The following GBP2 variants were observed in gnomAD, a reference collection of about 807,000 sequenced individuals.
GBP2 encodes guanylate binding protein 2, also known as guanylate-binding protein 2.
GBP2 carries 54 observed loss-of-function variants against 60.8 expected under a neutral mutation model. That is an observed-to-expected ratio of 0.89 (90% confidence interval 0.71 to 1.11). The LOEUF (loss-of-function observed/expected upper bound fraction) is 1.11, where lower values mean the gene tolerates loss of function less well. Among genes scored for constraint, GBP2 ranks in the 50% most tolerant of loss-of-function variants. The pLI, the probability that GBP2 is intolerant of heterozygous loss-of-function variation, is 0.00. For synonymous variants in GBP2, 243 were observed against 256.5 expected, an observed-to-expected ratio of 0.95 and a Z score of 0.50; for missense variants, 665 against 703.3, an observed-to-expected ratio of 0.95 and a Z score of 0.62.
At chr1:89,109,225 G>A (rs928348310) in intron 10 of GBP2, among the ~76,000 whole-genome samples, 2 of 152,098 alleles carry the variant, frequency 1.3e-5, no homozygotes, top group East Asian at 1.9e-4. Context: ...TCATAACAGT[G>A]CTTCCAGACA....
intron 10 of GBP2, among the ~76,000 whole-genome samples, chr1:89,109,111 T>C (rs911154044): frequency 6.6e-6 from 1 of 152,092 alleles, no homozygotes; most frequent in Non-Finnish European, 1.5e-5. Context: ...GTCAGGCTGG[T>C]CTTGAACTCC....
chr1:89,108,419 C>T lies in GBP2; in HGVS notation c.1660-128G>A, dbSNP rs1681096865. On this transcript the variant is annotated intron_variant, in intron 10 of 10. Coordinates refer to ENST00000370466, the MANE Select transcript of GBP2 (RefSeq NM_004120.5). ...TCACTCTCTTCTGAGTCTCCTATAC[C>T]TGCCAATAATTTTTCTATGATTTTT... is the stretch of plus-strand genomic sequence containing the variant. 7.8e-6 allele frequency: 4 copies of T among 516,072 alleles called. No individual in the cohort carries two copies. The Admixed American group carries it at 1.5e-4, about 20-fold the overall frequency. 32.0% of individuals were successfully genotyped at this position (516,072 alleles called of 1,614,324 possible). A position where few individuals can be genotyped will look rare whatever the true frequency, so the allele number is the denominator to read the frequency against.
intron 1 of GBP2, among the ~76,000 whole-genome samples, chr1:89,122,208 G>T (rs111658709): frequency 0.019 from 2,898 of 152,170 alleles, 89 homozygotes; most frequent in African/African-American, 0.066. Context: ...TGTACAATGG[G>T]TATGGAAAGT....
Position 89,120,179 on chromosome 1 carries a change from T to C in GBP2, c.428A>G (p.His143Arg). ...TINQQAMDQL[H>R]YVTELTDRIK... ...TGTTCTGGACCACAAAAAAGGATAC[T>C]GAAGTTGGTCCATGGCCTGCTGGTT... The change falls in exon 4 of 11, where the codon CAC becomes CGC. Residue 143 changes from histidine to arginine, a missense_variant and splice_region_variant. Transcript: ENST00000370466. 1 of 1,611,468 alleles carries C rather than the reference T, an allele frequency of 6.2e-7. No individual in the cohort carries two copies. The highest frequency in any genetic ancestry group is 8.5e-7 in the Non-Finnish European group (1 of 1,177,612).
At chr1:89,108,692 A>G (rs1681101323) in intron 10 of GBP2, among the ~76,000 whole-genome samples, 2 of 152,196 alleles carry the variant, frequency 1.3e-5, no homozygotes. Flanking sequence ...ACTCAAGACT[A>G]GGGCAAGTGT....
Position 89,117,127 on chromosome 1 carries a change from G to C in GBP2, c.733C>G (p.Leu245Val), listed in dbSNP as rs151053556. 593 of 1,614,152 alleles carry C rather than the reference G, an allele frequency of 3.7e-4. 3 individuals are homozygous for C. In the African/African-American group the frequency reaches 6.9e-3, roughly 19 times the overall value. Reference protein sequence around the residue: ...VFDWPAPKKYLAHLEQLKEEE... With the variant: ...VFDWPAPKKYVAHLEQLKEEE... The stretch of plus-strand genomic sequence containing the variant: ...TCCTTTAGCTGCTCTAGGTGAGCAA[G>C]GTACTTCTTAGGAGCGGGCCAATCG... The change falls in exon 6 of 11, where the codon CTT becomes GTT. Residue 245 changes from leucine to valine, a missense_variant. By Grantham distance (32) the Leu-to-Val change is conservative. Coordinates refer to ENST00000370466, the MANE Select transcript of GBP2 (RefSeq NM_004120.5).
At position 89,117,139 on chromosome 1, in the gene GBP2, G is replaced by C; in HGVS notation, c.721C>G (p.Pro241Ala). 1.2e-6 allele frequency: 2 copies of C among 1,614,172 alleles called. No individual in the cohort carries two copies. The highest frequency in any genetic ancestry group is 1.7e-6 in the Non-Finnish European group (2 of 1,180,016). The change falls in exon 6 of 11, where the codon CCT becomes GCT. Residue 241 changes from proline (P) to alanine (A), a missense_variant. Transcript: ENST00000370466. ...TCTAGGTGAGCAAGGTACTTCTTAGGAGCGGGCCAATCGAAGACGAAGCAC... is the reference window on the plus strand; with the variant it reads ...TCTAGGTGAGCAAGGTACTTCTTAGCAGCGGGCCAATCGAAGACGAAGCAC... ...RKCFVFDWPAPKKYLAHLEQL... is the reference protein window; with the variant it reads ...RKCFVFDWPAAKKYLAHLEQL...
chr1:89,113,819 C>T (rs1681212922), intron 7 of GBP2, among the ~76,000 whole-genome samples, 197 bp downstream of exon 7: 1 of 152,068 alleles, frequency 6.6e-6, no homozygotes, highest in Admixed American at 6.6e-5. Flanking sequence ...AGAGGAAAAA[C>T]TAACAAAAGC....
intron 7 of GBP2, 31 bp from the exon 8 acceptor site, chr1:89,112,715 C>T (rs755426006): frequency 2.5e-5 from 38 of 1,540,534 alleles, no homozygotes; most frequent in Non-Finnish European, 3.3e-5. Context: ...ACAGATGTTT[C>T]AGTAAAGCCA....
chr1:89,106,360 GAACT>G lies in GBP2; in HGVS notation c.*1811_*1814del, dbSNP rs1681052999. The G allele has an allele frequency of 6.6e-6, 1 of 152,176 alleles. No homozygotes were observed. Among genetic ancestry groups the G allele is most frequent in the Non-Finnish European group, 1.5e-5 (1 of 68,026 alleles). The allele number at this position is 152,176 out of a possible 1,614,324, so 9.4% of individuals were successfully genotyped here. A position where few individuals can be genotyped will look rare whatever the true frequency, so the allele number is the denominator to read the frequency against. On this transcript the variant is annotated 3_prime_UTR_variant, in exon 11 of 11. Coordinates refer to ENST00000370466, the MANE Select transcript of GBP2 (RefSeq NM_004120.5). Reference sequence around the variant, plus strand: ...AACAAGATAGATCTTAAATACAAATGAACTAATATGTTAAATTGTGTTCCCAGGG... The same window carrying G: ...AACAAGATAGATCTTAAATACAAATGAATATGTTAAATTGTGTTCCCAGGG...
intron 7 of GBP2, 104 bp downstream of exon 7, chr1:89,113,912 T>G: frequency 7.8e-7 from 1 of 1,277,542 alleles, no homozygotes; most frequent in South Asian, 1.4e-5. Context: ...ATTTCAAATA[T>G]GTACACATAA....
intron 10 of GBP2, 46 bp from the exon 11 acceptor site, chr1:89,108,337 C>A: frequency 8.0e-7 from 1 of 1,249,346 alleles, no homozygotes; most frequent in South Asian, 1.2e-5. Context: ...TAACACATTT[C>A]CACCAGATTA....
Position 89,108,125 on chromosome 1 carries a change from T to A in GBP2, c.*50A>T. The A allele has an allele frequency of 1.0e-6, 1 of 958,194 alleles. No individual in the cohort carries two copies. The highest frequency in any genetic ancestry group is 1.7e-6 in the Non-Finnish European group (1 of 602,144). The allele number at this position is 958,194 out of a possible 1,614,324, so 59.4% of individuals were successfully genotyped here. On this transcript the variant is annotated 3_prime_UTR_variant, in exon 11 of 11. Coordinates refer to ENST00000370466, the MANE Select transcript of GBP2 (RefSeq NM_004120.5). ...ACACTCTGAAGTTGCTCATTCATGTTGTTTCTTGGGGAGAGGGAGCTGGAC... is the reference window on the plus strand; with the variant it reads ...ACACTCTGAAGTTGCTCATTCATGTAGTTTCTTGGGGAGAGGGAGCTGGAC...
At chr1:89,112,154 C>CT (rs545843987) in intron 8 of GBP2, among the ~76,000 whole-genome samples, 5 of 149,562 alleles carry the variant, frequency 3.3e-5, no homozygotes, top group Admixed American at 3.3e-4. Flanking sequence ...AGAGCTTGAA[C>CT]TTTTTTTTTT....
In GBP2 at chr1:89,109,681, A is replaced by G. The variant is rs1392120770; in HGVS notation, c.1655T>C (p.Leu552Pro). 6 of 1,612,598 alleles carry G rather than the reference A, an allele frequency of 3.7e-6. No individual in the cohort carries two copies. In the South Asian group the frequency reaches 6.6e-5, roughly 18 times the overall value. The change falls in exon 10 of 11, where the codon CTT (leucine) becomes CCT (proline). Residue 552 changes from leucine to proline, a missense_variant. Coordinates refer to ENST00000370466, the MANE Select transcript of GBP2 (RefSeq NM_004120.5). Reference sequence around the variant, plus strand: ...TGAGATGATGCAATTGAATACCTGAAGTTTAAGAGCGAGGGTCTTCTCTTG... The same window carrying G: ...TGAGATGATGCAATTGAATACCTGAGGTTTAAGAGCGAGGGTCTTCTCTTG... ...AEQEKTLALK[L>P]QEQERLLKEG...
chr1:89,110,028 G>T, intron 9 of GBP2, 136 bp downstream of exon 9: 1 of 930,174 alleles, frequency 1.1e-6, no homozygotes, highest in Non-Finnish European at 1.6e-6. Context: ...ATACAGATTA[G>T]TTAAGAAAAC....
chr1:89,114,627 G>A lies in GBP2; in HGVS notation c.869-331C>T, dbSNP rs914973925. ...ACTAATTTATGAAAAAAGTCAATGA[G>A]AAAACTTAGCCTTTTTATTTTTATT... On this transcript the variant is annotated intron_variant, in intron 6 of 10. Transcript: ENST00000370466. Among the ~76,000 whole-genome samples the A allele has an allele frequency of 3.3e-4, 50 of 152,134 alleles. 1 individual carries two copies. Among genetic ancestry groups the A allele is most frequent in the African/African-American group, 1.2e-3 (48 of 41,420 alleles).
chr1:89,121,312 A>T (rs1270173683), intron 2 of GBP2, 42 bp from the exon 3 acceptor site: 5 of 1,531,942 alleles, frequency 3.3e-6, no homozygotes, highest in Non-Finnish European at 4.4e-6. Context: ...ATTACTTAGT[A>T]GGTGTTTCTG....
rs1259296204 is a variant in GBP2, at chr1:89,121,173, G to A, written c.288C>T (p.Leu96=). The A allele has an allele frequency of 4.3e-6, 7 of 1,611,860 alleles. No individual in the cohort carries two copies. Among genetic ancestry groups the A allele is most frequent in the South Asian group, 2.2e-5 (2 of 90,934 alleles). ...PKKPEHTLVL[L]DTEGLGDIEK... ...CTATATCTCCCAGGCCCTCAGTGTC[G>A]AGCAGAACTAGGGTGTGTTCTGGCT... Residue 96 remains leucine, a synonymous_variant, in exon 3 of 11, where the codon CTC becomes CTT. Transcript: ENST00000370466.
Sources: gnomAD v4.1 joint callset for allele counts (sites outside exome capture counted in the v4.1 genomes callset) on GRCh38, gnomAD v4.1.1 for gene constraint, MANE v1.5 for transcripts, NCBI Gene and HGNC (gene_info 2026-07-23, HGNC 2026-07-21) for gene names.